Variants in PCSK5 observed in about 807,000 individuals in gnomAD.
PCSK5 encodes the protein prohormone convertase 5.
PCSK5 carries 129 observed loss-of-function variants against 233.2 expected under a neutral mutation model. The observed-to-expected ratio is 0.55, with a 90% CI of 0.48 to 0.64. The LOEUF (loss-of-function observed/expected upper bound fraction) is 0.64, where lower values mean the gene tolerates loss of function less well. Ranked by LOEUF, PCSK5 falls within the 30% of genes least tolerant of loss-of-function variation. The probability of loss-of-function intolerance (pLI) is 0.00; values close to 1 mark genes in which losing one functional copy is unlikely to be tolerated. For synonymous variants in PCSK5, 825 were observed against 879.2 expected, an observed-to-expected ratio of 0.94 and a Z score of 1.09; for missense variants, 2,076 against 2,430.1, an observed-to-expected ratio of 0.85 and a Z score of 3.06.
chr9:76,332,346 C>T, intron 33 of PCSK5, 87 bp from the exon 34 acceptor site: 1 of 946,944 alleles, frequency 1.1e-6, no homozygotes, highest in Non-Finnish European at 1.6e-6. Context: ...CCTCTCCTCC[C>T]TCCCGCCATG....
At chr9:76,337,282 G>A (rs899933192) in intron 34 of PCSK5, among the ~76,000 whole-genome samples, 4 of 151,298 alleles carry the variant, frequency 2.6e-5, no homozygotes, top group African/African-American at 7.3e-5. Context: ...TCATGCCTCA[G>A]CCACCCAAGT....
intron 3 of PCSK5, among the ~76,000 whole-genome samples, chr9:76,008,523 G>A (rs1196888094): frequency 2.0e-5 from 3 of 151,514 alleles, no homozygotes; most frequent in Admixed American, 1.3e-4. Context: ...GTGCAGTGGC[G>A]CAATCTTGGC....
chr9:75,916,233 A>C (rs1001574884), intron 1 of PCSK5, among the ~76,000 whole-genome samples: 28 of 152,226 alleles, frequency 1.8e-4, no homozygotes, highest in Non-Finnish European at 1.3e-4. Flanking sequence ...ATTTAGGTTT[A>C]ATATAGTATG....
At chr9:75,964,913 A>G (rs577350832) in intron 2 of PCSK5, among the ~76,000 whole-genome samples, 37 of 152,286 alleles carry the variant, frequency 2.4e-4, no homozygotes, top group African/African-American at 8.9e-4. Flanking sequence ...GCATTAATCC[A>G]TATTGGTTCA....
chr9:76,089,967 TACAAAGAG>T (rs1189806432), intron 7 of PCSK5, among the ~76,000 whole-genome samples: 1 of 152,214 alleles, frequency 6.6e-6, no homozygotes, highest in Non-Finnish European at 1.5e-5. Flanking sequence ...TGCATTTAGA[TACAAAGAG>T]AGTATTTACA....
intron 24 of PCSK5, among the ~76,000 whole-genome samples, chr9:76,242,140 C>T (rs1315217092): frequency 6.6e-6 from 1 of 152,074 alleles, no homozygotes; most frequent in African/African-American, 2.4e-5. Flanking sequence ...ACATGTGATA[C>T]TTTGATATTT....
chr9:75,928,612 T>C (rs1009829897), intron 1 of PCSK5, among the ~76,000 whole-genome samples: 1 of 106,894 alleles, frequency 9.4e-6, no homozygotes, highest in East Asian at 2.3e-4. Flanking sequence ...TATATATATA[T>C]ATATATATAT....
At chr9:76,061,392 CAAAACATACTTACAAGT>C (rs1830023192) in intron 5 of PCSK5, among the ~76,000 whole-genome samples, 1 of 152,034 alleles carries the variant, frequency 6.6e-6, no homozygotes, top group South Asian at 2.1e-4. Flanking sequence ...TTAAAAATAT[CAAAACATACTTACAAGT>C]AAGTCGTGGG....
At chr9:76,212,393 G>A (rs1355794106) in intron 20 of PCSK5, among the ~76,000 whole-genome samples, 1 of 152,198 alleles carries the variant, frequency 6.6e-6, no homozygotes, top group African/African-American at 2.4e-5. Flanking sequence ...GTGTCTTGTT[G>A]ATATCACAAG....
intron 13 of PCSK5, among the ~76,000 whole-genome samples, chr9:76,173,633 G>A (rs953652447): frequency 1.3e-5 from 2 of 149,896 alleles, no homozygotes; most frequent in African/African-American, 2.5e-5. Context: ...CAGACTCATA[G>A]AAGGTGAAAC....
Position 76,350,891 on chromosome 9 carries a change from C to T in PCSK5, c.5030C>T (p.Thr1677Ile). The T allele has an allele frequency of 1.2e-6, 2 of 1,608,266 alleles. No homozygotes were observed. The highest frequency in any genetic ancestry group is 1.7e-4 in the Middle Eastern group (1 of 6,048). Residue 1677 changes from threonine to isoleucine, a missense_variant, in exon 36 of 38, where the codon ACC becomes ATC. Thr to Ile is a moderately conservative substitution (Grantham distance 89, BLOSUM62 -1). Coordinates refer to ENST00000674117, the MANE Select transcript of PCSK5 (RefSeq NM_001372043.1). ...TACCACCTCATGGGAGGGATCTGCACCTCGGACTGTCTTGTGGGGGAATAC... is the reference window on the plus strand; with the variant it reads ...TACCACCTCATGGGAGGGATCTGCATCTCGGACTGTCTTGTGGGGGAATAC... Reference protein sequence around the residue: ...WSYHLMGGICTSDCLVGEYRV... With the variant: ...WSYHLMGGICISDCLVGEYRV...
intron 20 of PCSK5, among the ~76,000 whole-genome samples, chr9:76,223,817 T>C (rs1825801101): frequency 6.6e-6 from 1 of 152,172 alleles, no homozygotes; most frequent in African/African-American, 2.4e-5. Flanking sequence ...TTCAGCTTCA[T>C]TGTGCAATGA....
intron 8 of PCSK5, among the ~76,000 whole-genome samples, chr9:76,097,833 A>G (rs972500561): frequency 6.6e-6 from 1 of 152,182 alleles, no homozygotes; most frequent in African/African-American, 2.4e-5. Flanking sequence ...CTGATTATAA[A>G]TTTCAGACAC....
intron 2 of PCSK5, among the ~76,000 whole-genome samples, chr9:75,932,789 T>C (rs1823869419): frequency 1.3e-5 from 2 of 152,166 alleles, no homozygotes; most frequent in South Asian, 4.1e-4. Flanking sequence ...ATGATTGAAC[T>C]GTTAACAATA....
intron 24 of PCSK5, among the ~76,000 whole-genome samples, chr9:76,281,631 T>C (rs1254398979): frequency 6.6e-6 from 1 of 152,176 alleles, no homozygotes; most frequent in Non-Finnish European, 1.5e-5. Flanking sequence ...GCCCATGGAT[T>C]GAAGAGTAAT....
rs545353531 is a variant in PCSK5 at position 75,989,100 on chromosome 9, T to C, written c.411+2855T>C. On this transcript the variant is annotated intron_variant, in intron 3 of 37. Coordinates refer to ENST00000674117, the MANE Select transcript of PCSK5 (RefSeq NM_001372043.1). ...GATGGGAAACAGGTTCCATACCTTA[T>C]GCTTCTCTGTTAGGACAGAACGAGT... Among the ~76,000 whole-genome samples, 17 of 152,332 alleles carry C rather than the reference T, an allele frequency of 1.1e-4. No homozygotes were observed. The South Asian group carries it at 3.5e-3, about 32-fold the overall frequency.
chr9:75,991,228 G>C (rs1826755930), intron 3 of PCSK5, among the ~76,000 whole-genome samples: 1 of 152,080 alleles, frequency 6.6e-6, no homozygotes, highest in African/African-American at 2.4e-5. Flanking sequence ...CTTCATAAAG[G>C]ACAGGCATTA....
At chr9:76,121,863 G>T (rs12002480) in intron 9 of PCSK5, among the ~76,000 whole-genome samples, 8,029 of 40,232 alleles carry the variant, frequency 0.2, 1,903 homozygotes, top group East Asian at 0.59. Context: ...TCGCTCTGTC[G>T]CCCAGGCTGG....
At chr9:75,989,590 G>A (rs776728274) in intron 3 of PCSK5, among the ~76,000 whole-genome samples, 5 of 152,184 alleles carry the variant, frequency 3.3e-5, no homozygotes, top group Admixed American at 1.3e-4. Flanking sequence ...GGATGTCTGG[G>A]GCTTTAGCTA....
Sources: allele counts gnomAD v4.1 joint callset (sites outside exome capture counted in the v4.1 genomes callset), GRCh38; gene constraint gnomAD v4.1.1; transcripts MANE v1.5; gene names NCBI Gene and HGNC (gene_info 2026-07-23, HGNC 2026-07-21).